The following WWOX variants were observed in gnomAD, a reference collection of about 807,000 sequenced individuals.
WWOX encodes the protein WW domain-containing oxidoreductase.
A neutral mutation model predicts 46.2 loss-of-function variants in WWOX; 69 were observed. That is an observed-to-expected ratio of 1.49 (90% confidence interval 1.23 to 1.82). WWOX has a LOEUF of 1.82. Among genes scored for constraint, WWOX ranks in the 40% most tolerant of loss-of-function variants. The pLI is 0.00. For missense variants in WWOX, 919 were observed against 542.6 expected (o/e 1.69, Z -6.89); for synonymous variants, 359 against 202.6 (o/e 1.77, Z -6.56).
At chr16:78,877,389 C>A (rs371609557) in intron 8 of WWOX, among the ~76,000 whole-genome samples, 1 of 152,032 alleles carries the variant, frequency 6.6e-6, no homozygotes, top group East Asian at 1.9e-4. Context: ...GTCTCAGACG[C>A]TTTGCCTTTG....
At chr16:78,638,607 G>C (rs532383844) in intron 8 of WWOX, among the ~76,000 whole-genome samples, 1 of 152,272 alleles carries the variant, frequency 6.6e-6, no homozygotes, top group East Asian at 1.9e-4. Flanking sequence ...CTTGACACCA[G>C]ACTAATGCTT....
chr16:78,867,534 TG>T (rs2044032121), intron 8 of WWOX, among the ~76,000 whole-genome samples: 1 of 151,680 alleles, frequency 6.6e-6, no homozygotes, highest in Non-Finnish European at 1.5e-5. Flanking sequence ...TTTGTTTTTT[TG>T]TGTGTGTGTT....
intron 8 of WWOX, among the ~76,000 whole-genome samples, chr16:78,516,591 A>G (rs995927210): frequency 5.3e-5 from 8 of 152,150 alleles, no homozygotes; most frequent in East Asian, 1.9e-4. Context: ...TGTTTCTACA[A>G]TTTTGTTCCC....
intron 8 of WWOX, among the ~76,000 whole-genome samples, chr16:78,957,947 A>T (rs981929277): frequency 2.0e-5 from 3 of 152,172 alleles, no homozygotes; most frequent in Non-Finnish European, 2.9e-5. Flanking sequence ...CCACATCAGC[A>T]CATTTGCTGC....
At chr16:78,634,225 G>A (rs1187459948) in intron 8 of WWOX, among the ~76,000 whole-genome samples, 1 of 152,134 alleles carries the variant, frequency 6.6e-6, no homozygotes, top group Non-Finnish European at 1.5e-5. Context: ...TGCCATAGTG[G>A]TGAGCTAAGA....
chr16:78,852,619 G>T (rs2052473934), intron 8 of WWOX, among the ~76,000 whole-genome samples: 1 of 152,088 alleles, frequency 6.6e-6, no homozygotes, highest in Non-Finnish European at 1.5e-5. Context: ...CTGAATTCTT[G>T]ACCCAGAAAA....
At chr16:79,191,033 C>T (rs988808771) in intron 8 of WWOX, among the ~76,000 whole-genome samples, 1 of 152,010 alleles carries the variant, frequency 6.6e-6, no homozygotes, top group Non-Finnish European at 1.5e-5. Flanking sequence ...CAAAGCATGA[C>T]TTCTTTTTTT....
intron 8 of WWOX, among the ~76,000 whole-genome samples, chr16:79,144,486 G>C (rs1201522940): frequency 1.3e-5 from 2 of 152,064 alleles, no homozygotes; most frequent in Non-Finnish European, 2.9e-5. Context: ...GAAAAGACCT[G>C]GCTTCACGCT....
At chr16:78,691,867 G>T (rs1188822044) in intron 8 of WWOX, among the ~76,000 whole-genome samples, 2 of 152,188 alleles carry the variant, frequency 1.3e-5, no homozygotes, top group African/African-American at 4.8e-5. Context: ...ATTCCCACAT[G>T]TTGTGGGAGG....
At chr16:78,559,424 A>C (rs2044381019) in intron 8 of WWOX, among the ~76,000 whole-genome samples, 1 of 152,192 alleles carries the variant, frequency 6.6e-6, no homozygotes, top group Non-Finnish European at 1.5e-5. Context: ...AGGAGCAAGT[A>C]GATCAAATTC....
intron 4 of WWOX, among the ~76,000 whole-genome samples, chr16:78,158,920 A>G (rs528607216): frequency 6.6e-6 from 1 of 152,164 alleles, no homozygotes; most frequent in South Asian, 2.1e-4. Context: ...CCTTTGGCTA[A>G]TACCTCCTTG....
intron 8 of WWOX, among the ~76,000 whole-genome samples, chr16:79,084,217 A>G (rs1224626417): frequency 6.6e-6 from 1 of 152,176 alleles, no homozygotes; most frequent in African/African-American, 2.4e-5. Context: ...ATATTTGCAA[A>G]TGCATTTCTT....
At chr16:78,825,414 G>T in intron 8 of WWOX, 2 of 326,380 alleles carry the variant, frequency 6.1e-6, no homozygotes, top group East Asian at 7.4e-5. Context: ...CACCCATCAC[G>T]ACAGTAACAA....
At chr16:79,204,177 C>G (rs2051433141) in intron 8 of WWOX, 1 of 152,258 alleles carries the variant, frequency 6.6e-6, no homozygotes, top group East Asian at 1.9e-4. Context: ...CATAAAGAAA[C>G]TGTACTTTGA....
chr16:79,104,893 C>T (rs1022983602), intron 8 of WWOX, among the ~76,000 whole-genome samples: 1 of 152,202 alleles, frequency 6.6e-6, no homozygotes, highest in Non-Finnish European at 1.5e-5. Context: ...CCAGAGAAGG[C>T]CCCATCATAG....
At chr16:78,229,466 C>CTCTT (rs1200239293) in intron 5 of WWOX, among the ~76,000 whole-genome samples, 1 of 145,112 alleles carries the variant, frequency 6.9e-6, no homozygotes. Flanking sequence ...TCTGTTTTAT[C>CTCTT]TCTCTCTATA....
At chr16:78,831,141 G>C (rs1002312879) in intron 8 of WWOX, among the ~76,000 whole-genome samples, 11 of 152,190 alleles carry the variant, frequency 7.2e-5, no homozygotes, top group Non-Finnish European at 1.0e-4. Context: ...GGGGCTTGCA[G>C]AGCTGAGAAC....
At chr16:78,931,862 C>G (rs184841835) in intron 8 of WWOX, among the ~76,000 whole-genome samples, 8 of 152,272 alleles carry the variant, frequency 5.3e-5, no homozygotes, top group South Asian at 2.1e-4. Flanking sequence ...GGATTTGAAT[C>G]GTGGGAGGTA....
chr16:78,829,431 T>A (rs1339142656), intron 8 of WWOX, among the ~76,000 whole-genome samples: 1 of 152,176 alleles, frequency 6.6e-6, no homozygotes, highest in African/African-American at 2.4e-5. Context: ...GGCAATCAGT[T>A]TTACTCAGTC....
Sources: allele counts gnomAD v4.1 joint callset (sites outside exome capture counted in the v4.1 genomes callset), GRCh38; gene constraint gnomAD v4.1.1; transcripts MANE v1.5; gene names NCBI Gene and HGNC (gene_info 2026-07-23, HGNC 2026-07-21).